METTL25: variants seen among roughly 807,000 people sequenced by gnomAD.
METTL25 encodes probable methyltransferase-like protein 25.
Under a neutral mutation model 71.6 loss-of-function variants are expected in METTL25, and 64 were observed. The observed-to-expected ratio is 0.89, with a 90% CI of 0.73 to 1.10. The LOEUF is 1.10. Among genes scored for constraint, METTL25 ranks in the 50% least tolerant of loss-of-function variants. METTL25 has a pLI of 0.00. For synonymous variants in METTL25, 287 were observed against 250.3 expected, an observed-to-expected ratio of 1.15 and a Z score of -1.38; for missense variants, 807 against 707.0, an observed-to-expected ratio of 1.14 and a Z score of -1.60.
chr12:82,403,223 T>C, intron 5 of METTL25, 93 bp downstream of exon 5: 1 of 1,228,098 alleles, frequency 8.1e-7, no homozygotes, highest in Non-Finnish European at 1.1e-6. Flanking sequence ...TTTTCGTCAT[T>C]ACCATGATTT....
In METTL25 at chr12:82,432,012, A is replaced by G. The variant is rs144972998; in HGVS notation, c.1374+1025A>G. On this transcript the variant is annotated intron_variant, in intron 6 of 11. Transcript: ENST00000248306. The stretch of plus-strand genomic sequence containing the variant: ...ATGCATATCACTTTTGCACTATTGC[A>G]AAGTTGAAAGTTGGGAACTGTCTAT... 2.7e-3 allele frequency among the ~76,000 whole-genome samples: 408 copies of G among 151,850 alleles called. 3 individuals are homozygous for G. Among genetic ancestry groups the G allele is most frequent in the Non-Finnish European group, 4.4e-3 (300 of 67,784 alleles).
chr12:82,460,561 G>A (rs1341881358), intron 9 of METTL25, among the ~76,000 whole-genome samples: 1 of 152,148 alleles, frequency 6.6e-6, no homozygotes, highest in East Asian at 1.9e-4. Flanking sequence ...TCCTATGATA[G>A]TTCTTTCAAA....
intron 1 of METTL25, among the ~76,000 whole-genome samples, chr12:82,384,739 G>T (rs1318930000): frequency 6.6e-6 from 1 of 151,972 alleles, no homozygotes; most frequent in African/African-American, 2.4e-5. Context: ...TTTTTTTCAA[G>T]TTTTTTCTGT....
chr12:82,388,474 C>G (rs1885258204), intron 2 of METTL25, among the ~76,000 whole-genome samples: 1 of 151,900 alleles, frequency 6.6e-6, no homozygotes, highest in South Asian at 2.1e-4. Flanking sequence ...AGTCGACTGG[C>G]AATGAAAGGT....
At chr12:82,390,346 A>ATGT (rs1321593967) in intron 3 of METTL25, among the ~76,000 whole-genome samples, 14 of 152,058 alleles carry the variant, frequency 9.2e-5, no homozygotes, top group Non-Finnish European at 1.2e-4. Context: ...CAAAGTAGTT[A>ATGT]TGTTTTTAAG....
At chr12:82,431,165 G>T (rs531052295) in intron 6 of METTL25, among the ~76,000 whole-genome samples, 178 bp downstream of exon 6, 26 of 151,260 alleles carry the variant, frequency 1.7e-4, no homozygotes, top group Non-Finnish European at 3.3e-4. Flanking sequence ...CACTCTACAT[G>T]CAGTGTCATG....
chr12:82,446,753 ATTACAGGTGT>A (rs1890779192), intron 8 of METTL25, among the ~76,000 whole-genome samples: 1 of 151,758 alleles, frequency 6.6e-6, no homozygotes, highest in Non-Finnish European at 1.5e-5. Flanking sequence ...AGTAGCTGGG[ATTACAGGTGT>A]AAGCTACCAC....
At chr12:82,382,004 A>AGGGCAT (rs1018566040) in intron 1 of METTL25, among the ~76,000 whole-genome samples, 2 of 152,192 alleles carry the variant, frequency 1.3e-5, no homozygotes, top group African/African-American at 4.8e-5. Flanking sequence ...TGGGTGGCTT[A>AGGGCAT]GCATGTGGAT....
chr12:82,369,335 A>G (rs1470747130), intron 1 of METTL25: 2 of 342,782 alleles, frequency 5.8e-6, no homozygotes, highest in East Asian at 9.2e-5. Context: ...TAAGTGACAC[A>G]TAGTAGGTAC....
At position 82,368,551 on chromosome 12, in the gene METTL25, T is replaced by G. The variant is rs1882834078; in HGVS notation, c.259+9727T>G. On this transcript the variant is annotated intron_variant, in intron 1 of 11. Transcript: ENST00000248306. The stretch of plus-strand genomic sequence containing the variant: ...CCCTAAGGTACCAGAAGTTCAGCTC[T>G]TGGGTTGCAGGCTCCAATCAGTTCC... 2.6e-5 allele frequency among the ~76,000 whole-genome samples: 4 copies of G among 152,296 alleles called. 1 individual carries two copies. The South Asian group carries it at 8.3e-4, about 32-fold the overall frequency.
At chr12:82,401,480 C>T (rs1264982422) in intron 4 of METTL25, among the ~76,000 whole-genome samples, 1 of 151,974 alleles carries the variant, frequency 6.6e-6, no homozygotes, top group Admixed American at 6.6e-5. Flanking sequence ...CTGTTATTAT[C>T]TCCATCTTAC....
intron 5 of METTL25, among the ~76,000 whole-genome samples, chr12:82,427,223 C>A (rs1889102570): frequency 6.6e-6 from 1 of 151,970 alleles, no homozygotes; most frequent in Admixed American, 6.6e-5. Context: ...CTCCCACATT[C>A]CTTGTATGGA....
At chr12:82,386,779 CT>C (rs1730879787) in intron 1 of METTL25, 23 bp from the exon 2 acceptor site, 6 of 1,602,082 alleles carry the variant, frequency 3.7e-6, no homozygotes, top group Non-Finnish European at 4.3e-6. Context: ...TTGCTGAAGA[CT>C]TTTTCTGTCT....
intron 3 of METTL25, among the ~76,000 whole-genome samples, chr12:82,394,481 A>G (rs1449394280): frequency 6.6e-6 from 1 of 151,976 alleles, no homozygotes; most frequent in Non-Finnish European, 1.5e-5. Flanking sequence ...CATTCACATT[A>G]CCAAGGCTTC....
At chr12:82,377,289 C>G (rs1383928839) in intron 1 of METTL25, among the ~76,000 whole-genome samples, 1 of 152,126 alleles carries the variant, frequency 6.6e-6, no homozygotes, top group African/African-American at 2.4e-5. Flanking sequence ...CCTAGCATAT[C>G]TCTAGGATTA....
At chr12:82,473,404 G>T (rs1303740034) in intron 9 of METTL25, among the ~76,000 whole-genome samples, 1 of 152,150 alleles carries the variant, frequency 6.6e-6, no homozygotes, top group African/African-American at 2.4e-5. Flanking sequence ...GCCTCTCCAG[G>T]GGAGGGCTGC....
chr12:82,461,179 G>A (rs1168496538), intron 9 of METTL25, among the ~76,000 whole-genome samples: 1 of 152,070 alleles, frequency 6.6e-6, no homozygotes, highest in East Asian at 1.9e-4. Context: ...ATTGTAAAAT[G>A]TTAACAGAAG....
intron 5 of METTL25, 138 bp downstream of exon 5, chr12:82,403,268 C>T: frequency 1.3e-6 from 1 of 754,988 alleles, no homozygotes; most frequent in South Asian, 2.0e-5. Flanking sequence ...GACTTACTTG[C>T]ACTTTTAGTG....
At chr12:82,440,277 T>C (rs906614951) in intron 8 of METTL25, among the ~76,000 whole-genome samples, 22 of 152,008 alleles carry the variant, frequency 1.4e-4, no homozygotes, top group African/African-American at 5.3e-4. Context: ...TCTTGAAATA[T>C]GTAACTAGCT....
Sources: allele counts gnomAD v4.1 joint callset (sites outside exome capture counted in the v4.1 genomes callset), GRCh38; gene constraint gnomAD v4.1.1; transcripts MANE v1.5; gene names NCBI Gene and HGNC (gene_info 2026-07-23, HGNC 2026-07-21).